Variants in MEMO1 observed in about 807,000 individuals in gnomAD.
MEMO1 encodes mediator of cell motility 1.
In MEMO1, 6 loss-of-function variants were observed where a neutral mutation model predicts 45.2. The observed-to-expected ratio is 0.13, with a 90% confidence interval of 0.07 to 0.26. The LOEUF (loss-of-function observed/expected upper bound fraction) is 0.26. Among genes scored for constraint, MEMO1 ranks in the 10% least tolerant of loss-of-function variants. The pLI is 1.00. For missense variants in MEMO1, 184 were observed against 370.5 expected (o/e 0.50, Z 4.13); for synonymous variants, 78 against 124.3 (o/e 0.63, Z 2.48).
intron 6 of MEMO1, among the ~76,000 whole-genome samples, chr2:31,913,423 C>T (rs901339508): frequency 5.3e-5 from 8 of 150,944 alleles, no homozygotes; most frequent in Non-Finnish European, 7.4e-5. Flanking sequence ...TCAGGTATAG[C>T]CTATAAAGTG....
At chr2:31,999,114 T>A (rs1290856393) in intron 2 of MEMO1, among the ~76,000 whole-genome samples, 1 of 152,132 alleles carries the variant, frequency 6.6e-6, no homozygotes, top group East Asian at 1.9e-4. Context: ...CTCAGCTCTA[T>A]CTTCAAAATA....
At chr2:31,903,262 TGAG>T (rs1679134671) in intron 6 of MEMO1, among the ~76,000 whole-genome samples, 1 of 152,166 alleles carries the variant, frequency 6.6e-6, no homozygotes, top group African/African-American at 2.4e-5. Flanking sequence ...TCTTAAGATG[TGAG>T]GAGAATTAAA....
chr2:32,001,100 G>A (rs1389435499), intron 2 of MEMO1, among the ~76,000 whole-genome samples: 5 of 143,266 alleles, frequency 3.5e-5, no homozygotes, highest in East Asian at 4.4e-4. Flanking sequence ...GTGCAGTGGC[G>A]CAATCTCGGC....
intron 4 of MEMO1, chr2:31,923,625 G>A (rs909621363): frequency 4.5e-6 from 7 of 1,544,172 alleles, no homozygotes; most frequent in Non-Finnish European, 6.1e-6. Flanking sequence ...CTAGGGCCAG[G>A]TAGTATATGA....
At chr2:31,971,779 G>T (rs1291302098) in intron 2 of MEMO1, among the ~76,000 whole-genome samples, 2 of 152,150 alleles carry the variant, frequency 1.3e-5, no homozygotes, top group African/African-American at 4.8e-5. Flanking sequence ...AGACCAGCCT[G>T]GCCAACATAG....
At chr2:31,990,557 T>C (rs1430959030) in intron 2 of MEMO1, among the ~76,000 whole-genome samples, 6 of 150,512 alleles carry the variant, frequency 4.0e-5, no homozygotes, top group African/African-American at 9.7e-5. Flanking sequence ...GCTCAAGCCA[T>C]CTAAATTTTT....
chr2:31,870,178 T>C (rs1673484596), intron 8 of MEMO1, among the ~76,000 whole-genome samples: 1 of 143,196 alleles, frequency 7.0e-6, no homozygotes, highest in Non-Finnish European at 1.5e-5. Flanking sequence ...ATCCCCAGTT[T>C]ATTTTCTCCA....
chr2:31,899,837 G>GA (rs1475731306), intron 6 of MEMO1, among the ~76,000 whole-genome samples: 1 of 151,892 alleles, frequency 6.6e-6, no homozygotes, highest in East Asian at 1.9e-4. Flanking sequence ...AAATTTACAA[G>GA]AAAAAAACAA....
chr2:31,890,974 T>G (rs2147984685), intron 7 of MEMO1, among the ~76,000 whole-genome samples: 1 of 152,214 alleles, frequency 6.6e-6, no homozygotes, highest in Middle Eastern at 3.4e-3. Flanking sequence ...TGAACTGAGA[T>G]CTCAACTTTG....
At chr2:31,928,546 CAAAA>C (rs11340855) in intron 4 of MEMO1, among the ~76,000 whole-genome samples, 7 of 105,458 alleles carry the variant, frequency 6.6e-5, no homozygotes, top group Admixed American at 9.6e-5. Flanking sequence ...GACTCCATCT[CAAAA>C]AAAAAAAAAA....
At chr2:31,890,187 T>C (rs1676760166) in intron 7 of MEMO1, among the ~76,000 whole-genome samples, 1 of 152,182 alleles carries the variant, frequency 6.6e-6, no homozygotes, top group Non-Finnish European at 1.5e-5. Flanking sequence ...TGACGTTTTA[T>C]GTGAATTTAT....
At chr2:31,868,850 T>C (rs952236667) in intron 9 of MEMO1, among the ~76,000 whole-genome samples, 11 of 152,212 alleles carry the variant, frequency 7.2e-5, no homozygotes, top group African/African-American at 2.4e-4. Flanking sequence ...GGAGTCTTTA[T>C]CTGACTTTGA....
intron 2 of MEMO1, among the ~76,000 whole-genome samples, chr2:32,002,386 A>G (rs527667906): frequency 6.7e-6 from 1 of 150,008 alleles, no homozygotes; most frequent in South Asian, 2.1e-4. Context: ...ATAAGCCACA[A>G]TATACATATA....
chr2:31,960,626 C>G (rs1381984989), intron 2 of MEMO1, among the ~76,000 whole-genome samples: 1 of 152,078 alleles, frequency 6.6e-6, no homozygotes, highest in Admixed American at 6.5e-5. Context: ...CACTCTATTA[C>G]CCAGGCTGGA....
intron 2 of MEMO1, chr2:31,963,365 T>G (rs763239268): frequency 1.3e-4 from 152 of 1,211,378 alleles, no homozygotes; most frequent in Non-Finnish European, 1.5e-4. Flanking sequence ...ACTGGTTCTG[T>G]TTCTCTGAAG....
At chr2:31,927,212 C>T (rs1304858092) in intron 4 of MEMO1, among the ~76,000 whole-genome samples, 6 of 152,004 alleles carry the variant, frequency 3.9e-5, no homozygotes, top group Non-Finnish European at 8.8e-5. Context: ...CCCAGCTACT[C>T]GGGAGACTGA....
chr2:31,892,912 T>C (rs147953769), intron 6 of MEMO1, among the ~76,000 whole-genome samples: 261 of 152,254 alleles, frequency 1.7e-3, no homozygotes, highest in Non-Finnish European at 2.5e-3. Flanking sequence ...AAACAGATGT[T>C]CATTCAAAAC....
intron 2 of MEMO1, among the ~76,000 whole-genome samples, chr2:31,991,130 T>C (rs970283411): frequency 6.6e-6 from 1 of 152,174 alleles, no homozygotes; most frequent in Non-Finnish European, 1.5e-5. Flanking sequence ...TGATGACTTA[T>C]AGTCACGTGT....
At chr2:31,891,260 G>A (rs191150226) in intron 7 of MEMO1, among the ~76,000 whole-genome samples, 5 of 152,166 alleles carry the variant, frequency 3.3e-5, no homozygotes, top group Admixed American at 2.0e-4. Flanking sequence ...GTCCTAAAAC[G>A]AACAAAACTT....
Sources: gnomAD v4.1 joint callset for allele counts (sites outside exome capture counted in the v4.1 genomes callset) on GRCh38, gnomAD v4.1.1 for gene constraint, MANE v1.5 for transcripts, NCBI Gene and HGNC (gene_info 2026-07-23, HGNC 2026-07-21) for gene names.